The following TTC27 variants were observed in gnomAD, a reference collection of about 807,000 sequenced individuals.
The protein encoded by TTC27 is tetratricopeptide repeat protein 27.
Under a neutral mutation model 115.9 loss-of-function variants are expected in TTC27, and 79 were observed. That is an observed-to-expected ratio of 0.68 (90% CI 0.57 to 0.82). The LOEUF (loss-of-function observed/expected upper bound fraction) is 0.82. Among genes scored for constraint, TTC27 ranks in the 40% least tolerant of loss-of-function variants. The probability of loss-of-function intolerance (pLI) is 0.00; values close to 1 mark genes in which losing one functional copy is unlikely to be tolerated. For missense variants in TTC27, 1,054 were observed against 993.1 expected (o/e 1.06, Z -0.82); for synonymous variants, 401 against 356.0 (o/e 1.13, Z -1.42).
At chr2:32,736,160 G>T (rs889777657) in intron 11 of TTC27, among the ~76,000 whole-genome samples, 7 of 151,854 alleles carry the variant, frequency 4.6e-5, no homozygotes, top group African/African-American at 1.7e-4. Context: ...AACTCAGTTT[G>T]CTCTTTTTTT....
intron 5 of TTC27, among the ~76,000 whole-genome samples, chr2:32,652,777 G>A (rs1374599051): frequency 5.3e-5 from 8 of 152,232 alleles, no homozygotes; most frequent in Non-Finnish European, 1.2e-4. Context: ...ACTGAAATAC[G>A]ATTCAGCGTC....
chr2:32,658,689 A>G (rs1389249311), intron 5 of TTC27, among the ~76,000 whole-genome samples: 1 of 152,198 alleles, frequency 6.6e-6, no homozygotes, highest in Non-Finnish European at 1.5e-5. Flanking sequence ...CAGTGATATT[A>G]TAGAAGGGAA....
intron 9 of TTC27, among the ~76,000 whole-genome samples, chr2:32,697,325 C>T (rs1296575958): frequency 6.6e-6 from 1 of 152,190 alleles, no homozygotes; most frequent in Non-Finnish European, 1.5e-5. Flanking sequence ...AAACTCTGTG[C>T]TTATTTAACC....
intron 10 of TTC27, among the ~76,000 whole-genome samples, chr2:32,704,639 C>G (rs1198558095): frequency 6.6e-6 from 1 of 152,180 alleles, no homozygotes; most frequent in African/African-American, 2.4e-5. Context: ...GGATCCAAGC[C>G]TGGCATTTCA....
At chr2:32,792,540 ATC>A (rs1670571245) in intron 16 of TTC27, among the ~76,000 whole-genome samples, 1 of 152,084 alleles carries the variant, frequency 6.6e-6, no homozygotes, top group South Asian at 2.1e-4. Context: ...TAAACTGCCT[ATC>A]TCTCTCTGAT....
intron 5 of TTC27, among the ~76,000 whole-genome samples, chr2:32,654,333 T>C: frequency 6.6e-6 from 1 of 152,214 alleles, no homozygotes; most frequent in Non-Finnish European, 1.5e-5. Context: ...AACTAGCTTA[T>C]TCCTAACAAC....
chr2:32,765,798 C>T (rs1669607064), intron 13 of TTC27, among the ~76,000 whole-genome samples: 1 of 152,160 alleles, frequency 6.6e-6, no homozygotes, highest in African/African-American at 2.4e-5. Context: ...ATGGGGATGG[C>T]TTCTTTCCTT....
At chr2:32,771,409 A>G (rs1669826684) in intron 13 of TTC27, among the ~76,000 whole-genome samples, 1 of 152,246 alleles carries the variant, frequency 6.6e-6, no homozygotes, top group Admixed American at 6.5e-5. Flanking sequence ...CAGATGACAT[A>G]TAAACACCTG....
At chr2:32,748,407 T>G (rs1668899876) in intron 12 of TTC27, among the ~76,000 whole-genome samples, 1 of 152,230 alleles carries the variant, frequency 6.6e-6, no homozygotes, top group Non-Finnish European at 1.5e-5. Context: ...TGTATTCTGC[T>G]GTTGGCTGGA....
At chr2:32,754,804 CGGCTGGCTGGGCGGGGGGGCTG>C (rs1669150207) in intron 12 of TTC27, among the ~76,000 whole-genome samples, 1 of 131,114 alleles carries the variant, frequency 7.6e-6, no homozygotes. Flanking sequence ...CCGGACGGGG[CGGCTGGCTGGGCGGGGGGGCTG>C]ACCCCCCCCA....
intron 5 of TTC27, among the ~76,000 whole-genome samples, chr2:32,655,454 C>T (rs953346342): frequency 6.6e-6 from 1 of 152,146 alleles, no homozygotes; most frequent in African/African-American, 2.4e-5. Flanking sequence ...CCTGACATAG[C>T]ATTTTAAAAT....
chr2:32,773,902 T>G (rs1035947438), intron 13 of TTC27, among the ~76,000 whole-genome samples: 3 of 152,278 alleles, frequency 2.0e-5, no homozygotes, highest in Admixed American at 6.5e-5. Flanking sequence ...TTTAGAGAAA[T>G]AGTGTAACTG....
intron 6 of TTC27, among the ~76,000 whole-genome samples, chr2:32,665,913 T>A (rs1665757997): frequency 6.6e-6 from 1 of 151,894 alleles, no homozygotes; most frequent in South Asian, 2.1e-4. Context: ...TAAAATAAAA[T>A]AAAAAAGTAA....
chr2:32,815,844 T>C (rs1671485668), intron 18 of TTC27, among the ~76,000 whole-genome samples: 1 of 152,206 alleles, frequency 6.6e-6, no homozygotes. Flanking sequence ...CTAATTATTA[T>C]GCATCCTCTC....
intron 2 of TTC27, among the ~76,000 whole-genome samples, chr2:32,633,577 A>G (rs1401121802): frequency 1.3e-5 from 2 of 151,730 alleles, no homozygotes; most frequent in African/African-American, 4.8e-5. Context: ...CTAACTTTTA[A>G]TTTTTTTGTA....
At chr2:32,676,592 A>G (rs1666217189) in intron 8 of TTC27, among the ~76,000 whole-genome samples, 1 of 150,928 alleles carries the variant, frequency 6.6e-6, no homozygotes, top group African/African-American at 2.4e-5. Flanking sequence ...CCTGGGTTCA[A>G]GCAGTTCTCT....
At chr2:32,737,277 A>T (rs1558317656) in intron 12 of TTC27, among the ~76,000 whole-genome samples, 1 of 152,156 alleles carries the variant, frequency 6.6e-6, no homozygotes, top group African/African-American at 2.4e-5. Flanking sequence ...TTCTACCCTT[A>T]AATTGGGCCA....
At chr2:32,805,253 G>A (rs1012397446) in intron 16 of TTC27, among the ~76,000 whole-genome samples, 1 of 152,120 alleles carries the variant, frequency 6.6e-6, no homozygotes, top group African/African-American at 2.4e-5. Flanking sequence ...TTGCTGGGTG[G>A]GTTACATGTG....
At chr2:32,792,457 C>G (rs17012293) in intron 16 of TTC27, among the ~76,000 whole-genome samples, 2,736 of 152,148 alleles carry the variant, frequency 0.018, 76 homozygotes, top group African/African-American at 0.061. Flanking sequence ...AACCTAAAGC[C>G]CTTTCCACAG....
Sources: allele counts gnomAD v4.1 joint callset (sites outside exome capture counted in the v4.1 genomes callset), GRCh38; gene constraint gnomAD v4.1.1; transcripts MANE v1.5; gene names NCBI Gene and HGNC (gene_info 2026-07-23, HGNC 2026-07-21).